The following KHDRBS2 variants were observed in gnomAD, a reference collection of about 807,000 sequenced individuals.
The protein encoded by KHDRBS2 is KH domain-containing, RNA-binding, signal transduction-associated protein 2.
KHDRBS2 carries 26 observed loss-of-function variants against 44.3 expected under a neutral mutation model. The observed-to-expected ratio is 0.59, with a 90% CI of 0.43 to 0.81. The LOEUF is 0.81. KHDRBS2 is among the 40% of genes least tolerant of loss of function. The probability of loss-of-function intolerance (pLI) is 0.00; values close to 1 mark genes in which losing one functional copy is unlikely to be tolerated. For missense variants in KHDRBS2, 476 were observed against 433.1 expected, an observed-to-expected ratio of 1.10 and a Z score of -0.88; for synonymous variants, 194 against 151.1, an observed-to-expected ratio of 1.28 and a Z score of -2.08.
At chr6:61,641,576 C>T in the KHDRBS2 span, among the ~76,000 whole-genome samples, 1 of 152,172 alleles carries the variant, frequency 6.6e-6, no homozygotes, top group African/African-American at 2.4e-5. Context: ...TAGCCTCTTA[C>T]TCTGTAAGAA....
At chr6:62,152,813 A>G (rs973156367) in intron 2 of KHDRBS2, among the ~76,000 whole-genome samples, 1 of 152,186 alleles carries the variant, frequency 6.6e-6, no homozygotes, top group African/African-American at 2.4e-5. Flanking sequence ...CTCAGGAGTG[A>G]CTGAGAAGTA....
chr6:61,804,802 A>T (rs1786873609), intron 6 of KHDRBS2, among the ~76,000 whole-genome samples: 1 of 152,164 alleles, frequency 6.6e-6, no homozygotes, highest in African/African-American at 2.4e-5. Context: ...CTGCACAAAG[A>T]AGCAAGACCC....
intron 7 of KHDRBS2, among the ~76,000 whole-genome samples, chr6:61,702,726 T>C (rs964188986): frequency 3.9e-5 from 6 of 151,904 alleles, no homozygotes; most frequent in African/African-American, 1.4e-4. Context: ...AAACAACTCA[T>C]GTCTTTTCTG....
At chr6:61,742,436 T>C in intron 6 of KHDRBS2, among the ~76,000 whole-genome samples, 1 of 152,202 alleles carries the variant, frequency 6.6e-6, no homozygotes, top group East Asian at 1.9e-4. Flanking sequence ...ATATAAATTA[T>C]TAATGCTTGT....
chr6:62,202,508 A>G (rs1827199868), intron 1 of KHDRBS2, among the ~76,000 whole-genome samples: 1 of 149,332 alleles, frequency 6.7e-6, no homozygotes, highest in African/African-American at 2.4e-5. Context: ...AGAGAGAGAG[A>G]TTTTTTTTTT....
chr6:61,716,867 A>G (rs2127553359), intron 7 of KHDRBS2, among the ~76,000 whole-genome samples: 1 of 152,138 alleles, frequency 6.6e-6, no homozygotes, highest in East Asian at 1.9e-4. Flanking sequence ...AGAATTTAGG[A>G]TGATCTAATG....
chr6:61,773,188 T>C (rs964316612), intron 6 of KHDRBS2, among the ~76,000 whole-genome samples: 1 of 152,108 alleles, frequency 6.6e-6, no homozygotes, highest in Admixed American at 6.5e-5. Context: ...ATGGTATTTC[T>C]AGTTCTAGAT....
intron 6 of KHDRBS2, among the ~76,000 whole-genome samples, chr6:61,767,621 T>A (rs1192386687): frequency 6.6e-6 from 1 of 152,118 alleles, no homozygotes; most frequent in African/African-American, 2.4e-5. Context: ...TCTTGCTTTT[T>A]ATTTTTTGTG....
chr6:62,253,349 C>T (rs1836850206), intron 1 of KHDRBS2, among the ~76,000 whole-genome samples: 1 of 151,896 alleles, frequency 6.6e-6, no homozygotes, highest in African/African-American at 2.4e-5. Flanking sequence ...TACAGACTGT[C>T]CTCTATATGG....
the KHDRBS2 span, among the ~76,000 whole-genome samples, chr6:61,578,426 T>C: frequency 1.6e-4 from 25 of 152,168 alleles, no homozygotes; most frequent in Admixed American, 1.6e-3. Context: ...AGCTGTAAAA[T>C]CCCGGACTTT....
intron 4 of KHDRBS2, among the ~76,000 whole-genome samples, chr6:61,909,446 C>A (rs1805654465): frequency 6.6e-6 from 1 of 151,888 alleles, no homozygotes; most frequent in South Asian, 2.1e-4. Flanking sequence ...TTTTTTGCTA[C>A]CAAAATAAAT....
chr6:61,553,727 T>G, the KHDRBS2 span, among the ~76,000 whole-genome samples: 1 of 152,160 alleles, frequency 6.6e-6, no homozygotes, highest in Admixed American at 6.5e-5. Flanking sequence ...TCAAAGAATT[T>G]CTTGATTTCT....
At chr6:61,666,571 C>T in the KHDRBS2 span, among the ~76,000 whole-genome samples, 1 of 151,176 alleles carries the variant, frequency 6.6e-6, no homozygotes, top group Non-Finnish European at 1.5e-5. Flanking sequence ...TACACCAGAC[C>T]CTGAAGTGTA....
At chr6:62,099,537 A>C (rs1801392213) in intron 2 of KHDRBS2, among the ~76,000 whole-genome samples, 2 of 152,148 alleles carry the variant, frequency 1.3e-5, no homozygotes, top group Admixed American at 1.3e-4. Context: ...GTTGCTAGGA[A>C]AGGTCCAGAT....
chr6:62,060,469 A>C (rs1344648914), intron 2 of KHDRBS2, among the ~76,000 whole-genome samples: 1 of 151,838 alleles, frequency 6.6e-6, no homozygotes, highest in Non-Finnish European at 1.5e-5. Context: ...GAGTTTGAGA[A>C]AAAGTGAAAT....
At chr6:61,892,322 C>G (rs186234954) in intron 6 of KHDRBS2, among the ~76,000 whole-genome samples, 3 of 152,320 alleles carry the variant, frequency 2.0e-5, no homozygotes, top group African/African-American at 7.2e-5. Context: ...AATGGCCATA[C>G]TGTCCAAGGT....
intron 4 of KHDRBS2, among the ~76,000 whole-genome samples, chr6:61,950,167 G>A (rs1197793365): frequency 1.3e-5 from 2 of 152,030 alleles, no homozygotes; most frequent in African/African-American, 4.8e-5. Context: ...TGTAGGAAAA[G>A]ACTCTCTGTG....
intron 7 of KHDRBS2, among the ~76,000 whole-genome samples, chr6:61,702,534 C>T (rs1363054396): frequency 2.0e-5 from 3 of 151,936 alleles, no homozygotes; most frequent in Non-Finnish European, 4.4e-5. Context: ...GACTAACAGA[C>T]ATTCAGTAAC....
intron 4 of KHDRBS2, among the ~76,000 whole-genome samples, chr6:61,907,098 G>C (rs1030315590): frequency 2.0e-5 from 3 of 152,038 alleles, no homozygotes; most frequent in African/African-American, 7.2e-5. Flanking sequence ...AAGCCATTTT[G>C]ACTGGGGTGA....
Sources: gnomAD v4.1 joint callset for allele counts (sites outside exome capture counted in the v4.1 genomes callset) on GRCh38, gnomAD v4.1.1 for gene constraint, MANE v1.5 for transcripts, NCBI Gene and HGNC (gene_info 2026-07-23, HGNC 2026-07-21) for gene names.